Variants in TTLL5 observed in about 807,000 individuals in gnomAD.
The protein encoded by TTLL5 is tubulin polyglutamylase TTLL5.
TTLL5 carries 132 observed loss-of-function variants against 168.4 expected under a neutral mutation model. The ratio of observed to expected loss-of-function variants is 0.78; its 90% CI spans 0.68 to 0.91. The LOEUF (loss-of-function observed/expected upper bound fraction) is 0.91. Ranked by LOEUF, TTLL5 falls within the 40% of genes least tolerant of loss-of-function variation. The probability of loss-of-function intolerance (pLI) is 0.00; values close to 1 mark genes in which losing one functional copy is unlikely to be tolerated. For synonymous variants in TTLL5, 546 were observed against 558.6 expected (o/e 0.98, Z 0.32); for missense variants, 1,545 against 1,581.5 (o/e 0.98, Z 0.39).
chr14:75,731,313 T>C (rs1309979491), intron 12 of TTLL5, among the ~76,000 whole-genome samples: 2 of 151,574 alleles, frequency 1.3e-5, no homozygotes, highest in African/African-American at 4.9e-5. Context: ...GGTCACAGGA[T>C]GGGATGTTTA....
At chr14:75,780,564 C>A (rs1235856441) in intron 24 of TTLL5, among the ~76,000 whole-genome samples, 1 of 152,188 alleles carries the variant, frequency 6.6e-6, no homozygotes, top group East Asian at 1.9e-4. Context: ...CATAGGTAAT[C>A]AACCTACTGA....
intron 28 of TTLL5, among the ~76,000 whole-genome samples, chr14:75,858,640 A>G (rs986060731): frequency 6.6e-6 from 1 of 152,208 alleles, no homozygotes; most frequent in Non-Finnish European, 1.5e-5. Context: ...AACTGACAGT[A>G]TTTGTTGTCA....
At chr14:75,740,765 TTTAAA>T (rs1889212911) in intron 15 of TTLL5, among the ~76,000 whole-genome samples, 1 of 152,216 alleles carries the variant, frequency 6.6e-6, no homozygotes, top group Admixed American at 6.5e-5. Flanking sequence ...TCATTTTACT[TTTAAA>T]CTTGATTTTA....
At chr14:75,734,633 A>G (rs1888770899) in intron 14 of TTLL5, among the ~76,000 whole-genome samples, 2 of 152,184 alleles carry the variant, frequency 1.3e-5, no homozygotes, top group African/African-American at 4.8e-5. Flanking sequence ...TAGCTACTCT[A>G]TTCTCCCTGG....
chr14:75,677,390 C>T (rs867206137), intron 3 of TTLL5, among the ~76,000 whole-genome samples: 1 of 78,340 alleles, frequency 1.3e-5, no homozygotes, highest in East Asian at 3.4e-4. Flanking sequence ...CTCTCTCTCT[C>T]TTTTTTTTTT....
At chr14:75,850,406 C>CAAA (rs35336374) in intron 28 of TTLL5, among the ~76,000 whole-genome samples, 1,245 of 90,140 alleles carry the variant, frequency 0.014, 25 homozygotes, top group Middle Eastern at 0.04. Flanking sequence ...AACTCCGTCT[C>CAAA]AAAAAAAAAA....
intron 29 of TTLL5, among the ~76,000 whole-genome samples, chr14:75,869,819 G>GTCTTTTTTT (rs1232447597): frequency 5.4e-5 from 1 of 18,442 alleles, no homozygotes; most frequent in Non-Finnish European, 9.7e-5. Context: ...CATTCAACAA[G>GTCTTTTTTT]TATTTTTTTT....
chr14:75,743,834 G>A (rs1450430841), intron 15 of TTLL5, among the ~76,000 whole-genome samples: 1 of 151,882 alleles, frequency 6.6e-6, no homozygotes, highest in Non-Finnish European at 1.5e-5. Flanking sequence ...GCCCACCTTG[G>A]CCTCCCAAAG....
At chr14:75,949,618 A>G (rs1428331525) in intron 31 of TTLL5, among the ~76,000 whole-genome samples, 5 of 151,846 alleles carry the variant, frequency 3.3e-5, no homozygotes, top group African/African-American at 9.7e-5. Flanking sequence ...TGGGAGACCA[A>G]GGGGGATTGC....
At chr14:75,943,682 C>G (rs187679092) in intron 31 of TTLL5, among the ~76,000 whole-genome samples, 7 of 152,170 alleles carry the variant, frequency 4.6e-5, no homozygotes, top group Non-Finnish European at 1.0e-4. Flanking sequence ...TTTAAAATCA[C>G]AAAACAAATA....
At chr14:75,855,840 A>G (rs1008411700) in intron 28 of TTLL5, among the ~76,000 whole-genome samples, 1 of 152,226 alleles carries the variant, frequency 6.6e-6, no homozygotes, top group African/African-American at 2.4e-5. Flanking sequence ...GAGCGACATA[A>G]TACAATCCAG....
At chr14:75,747,406 T>G (rs1476489975) in intron 17 of TTLL5, among the ~76,000 whole-genome samples, 1 of 152,206 alleles carries the variant, frequency 6.6e-6, no homozygotes, top group African/African-American at 2.4e-5. Flanking sequence ...ATTGACTGGT[T>G]TTCCTCATGT....
At chr14:75,812,095 C>G (rs568249180) in intron 27 of TTLL5, among the ~76,000 whole-genome samples, 3 of 152,110 alleles carry the variant, frequency 2.0e-5, no homozygotes, top group African/African-American at 7.2e-5. Flanking sequence ...AAGATTGGCT[C>G]TAAAATAAAC....
At chr14:75,674,655 A>G (rs1056750740) in intron 3 of TTLL5, among the ~76,000 whole-genome samples, 1 of 152,140 alleles carries the variant, frequency 6.6e-6, no homozygotes, top group East Asian at 1.9e-4. Context: ...TAGAGACAAC[A>G]TAGGTATTTT....
intron 31 of TTLL5, among the ~76,000 whole-genome samples, chr14:75,925,557 A>G (rs1191124500): frequency 1.3e-5 from 2 of 148,554 alleles, no homozygotes; most frequent in African/African-American, 5.1e-5. Context: ...GACGCTCCTC[A>G]CTTTCCAGAC....
intron 6 of TTLL5, among the ~76,000 whole-genome samples, chr14:75,695,247 T>C (rs994238809): frequency 6.6e-6 from 1 of 152,226 alleles, no homozygotes; most frequent in African/African-American, 2.4e-5. Context: ...AAATAAGCCC[T>C]GGTCTCCCGT....
At chr14:75,826,332 C>T (rs192985853) in intron 28 of TTLL5, among the ~76,000 whole-genome samples, 6 of 150,562 alleles carry the variant, frequency 4.0e-5, no homozygotes, top group South Asian at 2.1e-4. Flanking sequence ...CACACACACA[C>T]GAGTCTTTGT....
chr14:75,849,873 G>A (rs2139883029), intron 28 of TTLL5, among the ~76,000 whole-genome samples: 1 of 152,232 alleles, frequency 6.6e-6, no homozygotes, highest in Admixed American at 6.5e-5. Context: ...GGCTGAAGCA[G>A]GTGGATTGCT....
chr14:75,687,209 A>G (rs1027308429), intron 5 of TTLL5, among the ~76,000 whole-genome samples: 4 of 152,338 alleles, frequency 2.6e-5, no homozygotes, highest in African/African-American at 9.6e-5. Flanking sequence ...CTTGTGTTAG[A>G]CAAAGGATTC....
Sources: gnomAD v4.1 joint callset for allele counts (sites outside exome capture counted in the v4.1 genomes callset) on GRCh38, gnomAD v4.1.1 for gene constraint, MANE v1.5 for transcripts, NCBI Gene and HGNC (gene_info 2026-07-23, HGNC 2026-07-21) for gene names.